The following DUSP22 variants were observed in gnomAD, a reference collection of about 807,000 sequenced individuals.
DUSP22 encodes the protein dual specificity protein phosphatase 22.
In DUSP22, 24 loss-of-function variants were observed where a neutral mutation model predicts 24.5. That is an observed-to-expected ratio of 0.98 (90% CI 0.71 to 1.38). DUSP22 has a LOEUF of 1.38. Among genes scored for constraint, DUSP22 ranks in the 40% most tolerant of loss-of-function variants. The pLI, the probability that DUSP22 is intolerant of heterozygous loss-of-function variation, is 0.00. For synonymous variants in DUSP22, 160 were observed against 106.4 expected (o/e 1.50, Z -3.10); for missense variants, 330 against 269.2 (o/e 1.23, Z -1.58).
Position 292,612 on chromosome 6 carries a change from C to T in DUSP22, c.21+52C>T, listed in dbSNP as rs568297421. On this transcript the variant is annotated intron_variant, in intron 1 of 6. Coordinates refer to ENST00000419235, the MANE Select transcript of DUSP22 (RefSeq NM_001286555.3). ...GTTTGCCTCCGCTCCGACGCCCTGCCGTCTCGCCGGCGTCGGCTGCCCGAC... is the reference window on the plus strand; with the variant it reads ...GTTTGCCTCCGCTCCGACGCCCTGCTGTCTCGCCGGCGTCGGCTGCCCGAC... The T allele has an allele frequency of 6.4e-6, 10 of 1,570,600 alleles. No homozygotes were observed. In the African/African-American group the frequency reaches 9.7e-5, roughly 15 times the overall value.
rs1760056789 is a variant in DUSP22 at position 349,261 on chromosome 6, CTG to C, written c.*315_*316del. On this transcript the variant is annotated 3_prime_UTR_variant, in exon 7 of 7. Transcript: ENST00000419235. ...TGACTAAGTGGATGCATGTGTGTGC[CTG>C]TGTGAGTGAGGGTATGTGCACCTAA... 1.5e-6 allele frequency: 2 copies of C among 1,330,456 alleles called. No homozygotes were observed. The highest frequency in any genetic ancestry group is 2.9e-5 in the African/African-American group (2 of 68,186). The allele number at this position is 1,330,456 out of a possible 1,614,324, so 82.4% of individuals were successfully genotyped here.
chr6:295,380 A>T (rs1457162668), intron 1 of DUSP22, among the ~76,000 whole-genome samples: 2 of 152,282 alleles, frequency 1.3e-5, no homozygotes, highest in Non-Finnish European at 2.9e-5. Context: ...GGGCTCCTGT[A>T]CGGCGGAATA....
Position 312,013 on chromosome 6 carries a change from G to A in DUSP22, c.138+51G>A, listed in dbSNP as rs368028402. ...TGGGTGTCCTCATTTGTATTCCGTG[G>A]GAGTACCTACGACGTTAATGAAGGC... On this transcript the variant is annotated intron_variant, in intron 3 of 6. Transcript: ENST00000419235. The A allele has an allele frequency of 2.1e-4, 334 of 1,579,558 alleles. No homozygotes were observed. In the African/African-American group the frequency reaches 4.1e-3, roughly 19 times the overall value.
At chr6:330,926 G>C (rs1297944078) in intron 3 of DUSP22, among the ~76,000 whole-genome samples, 2 of 152,310 alleles carry the variant, frequency 1.3e-5, no homozygotes, top group African/African-American at 4.8e-5. Context: ...CTTGGCGTTA[G>C]TAATATACGG....
rs1758864234 is a variant in DUSP22 at position 326,224 on chromosome 6, G to C, written c.139-8890G>C. On this transcript the variant is annotated intron_variant, in intron 3 of 6. Transcript: ENST00000419235. ...CTGCCCTGGGCTTCTGCGTCCTGGT[G>C]TGTGCAATGCTGTATCTGCTGGTGC... The C allele has an allele frequency of 6.6e-5, 16 of 243,774 alleles. No homozygotes were observed. In the South Asian group the frequency reaches 7.3e-4, roughly 11 times the overall value. 15.1% of individuals were successfully genotyped at this position (243,774 alleles called of 1,614,324 possible). A position where few individuals can be genotyped will look rare whatever the true frequency, so the allele number is the denominator to read the frequency against.
chr6:348,933 T>C lies in DUSP22; in HGVS notation c.600T>C (p.Asn200=), dbSNP rs1348994767. 1.2e-6 allele frequency: 2 copies of C among 1,606,328 alleles called. No individual in the cohort carries two copies. The highest frequency in any genetic ancestry group is 1.7e-6 in the Non-Finnish European group (2 of 1,175,796). Residue 200 remains asparagine (N), a synonymous_variant, in exon 7 of 7, where the codon AAT becomes AAC. Transcript: ENST00000419235. ...CACTGGCTCCGCTGACCTACGATAATTATACGACGGAGACCTAACGCAAGC... is the reference window on the plus strand; with the variant it reads ...CACTGGCTCCGCTGACCTACGATAACTATACGACGGAGACCTAACGCAAGC... ...FPALAPLTYD[N]YTTET
At chr6:304,501 C>A in intron 1 of DUSP22, 127 bp from the exon 2 acceptor site, 1 of 1,385,858 alleles carries the variant, frequency 7.2e-7, no homozygotes, top group Non-Finnish European at 1.0e-6. Flanking sequence ...GCGTGTCTGT[C>A]AGGGAGGTGC....
At chr6:303,546 A>G (rs1356857970) in intron 1 of DUSP22, among the ~76,000 whole-genome samples, 1 of 152,306 alleles carries the variant, frequency 6.6e-6, no homozygotes, top group Non-Finnish European at 1.5e-5. Context: ...GGACTTCCTC[A>G]GTGGGAGTGA....
intron 3 of DUSP22, among the ~76,000 whole-genome samples, chr6:327,631 C>T (rs976923582): frequency 7.9e-5 from 12 of 152,420 alleles, no homozygotes; most frequent in South Asian, 4.1e-4. Context: ...CAGGGCCATG[C>T]GCCTGTGTGC....
rs556113615 is a variant in DUSP22, at chr6:298,021, C to G, written c.21+5461C>G. On this transcript the variant is annotated intron_variant, in intron 1 of 6. Transcript: ENST00000419235. ...AGTCCCAGGCAGCTTGGAGAGGAGC[C>G]TCCTGCAGGAAATGAACACTCAGCC... Among the ~76,000 whole-genome samples the G allele has an allele frequency of 6.4e-4, 97 of 152,390 alleles. No individual in the cohort carries two copies. In the Middle Eastern group the frequency reaches 0.031, roughly 48 times the overall value.
In DUSP22 at chr6:349,629, G is replaced by A. The variant is rs955495919; in HGVS notation, c.*678G>A. ...GGGTGGCTCTGGGGCCCTGGAAAAC[G>A]TGAGAGACTGCCCTGAGCTGGTCCA... is the stretch of plus-strand genomic sequence containing the variant. On this transcript the variant is annotated 3_prime_UTR_variant, in exon 7 of 7. Coordinates refer to ENST00000419235, the MANE Select transcript of DUSP22 (RefSeq NM_001286555.3). 47 of 987,256 alleles carry A rather than the reference G, an allele frequency of 4.8e-5. No individual in the cohort carries two copies. Among genetic ancestry groups the A allele is most frequent in the East Asian group, 1.1e-4 (1 of 8,856 alleles). 61.2% of individuals were successfully genotyped at this position (987,256 alleles called of 1,614,324 possible).
At chr6:319,134 A>G (rs1263989467) in intron 3 of DUSP22, among the ~76,000 whole-genome samples, 2 of 151,740 alleles carry the variant, frequency 1.3e-5, no homozygotes, top group Non-Finnish European at 2.9e-5. Context: ...TTTTTCCTCT[A>G]TTTAAAAAAA....
At chr6:335,051 A>G (rs1258476718) in intron 3 of DUSP22, 63 bp from the exon 4 acceptor site, 1 of 1,564,296 alleles carries the variant, frequency 6.4e-7, no homozygotes. Context: ...AGTTCCTTAA[A>G]TACTTTTCTC....
intron 3 of DUSP22, 76 bp from the exon 4 acceptor site, chr6:335,038 A>T (rs888638270): frequency 7.2e-6 from 11 of 1,523,886 alleles, no homozygotes; most frequent in Admixed American, 1.8e-5. Context: ...GACCTGTGTA[A>T]ATAGTTCCTT....
At chr6:318,483 C>T (rs1381166245) in intron 3 of DUSP22, among the ~76,000 whole-genome samples, 1 of 152,310 alleles carries the variant, frequency 6.6e-6, no homozygotes. Flanking sequence ...AGGCCATCAC[C>T]TCCAGCCCTA....
At chr6:293,648 T>A (rs984199365) in intron 1 of DUSP22, among the ~76,000 whole-genome samples, 5 of 152,404 alleles carry the variant, frequency 3.3e-5, no homozygotes, top group Non-Finnish European at 7.3e-5. Flanking sequence ...AAATGCGGAT[T>A]CACGGTAGGG....
At chr6:329,170 G>A (rs1356802551) in intron 3 of DUSP22, among the ~76,000 whole-genome samples, 2 of 152,300 alleles carry the variant, frequency 1.3e-5, no homozygotes, top group African/African-American at 2.4e-5. Context: ...TCAGGTTCCT[G>A]ATTGCCATCT....
At chr6:300,209 G>A (rs565796665) in intron 1 of DUSP22, among the ~76,000 whole-genome samples, 84 of 152,386 alleles carry the variant, frequency 5.5e-4, no homozygotes, top group African/African-American at 1.8e-3. Flanking sequence ...CCTGGCCTGC[G>A]TCTCTGCATA....
At chr6:306,483 A>G (rs1402939693) in intron 2 of DUSP22, among the ~76,000 whole-genome samples, 2 of 152,310 alleles carry the variant, frequency 1.3e-5, no homozygotes, top group Non-Finnish European at 2.9e-5. Context: ...GGTTTCGTCT[A>G]TGAGAGTGTT....
Sources: gnomAD v4.1 joint callset for allele counts (sites outside exome capture counted in the v4.1 genomes callset) on GRCh38, gnomAD v4.1.1 for gene constraint, MANE v1.5 for transcripts, NCBI Gene and HGNC (gene_info 2026-07-23, HGNC 2026-07-21) for gene names.